The following IGSF3 variants were observed in gnomAD, a reference collection of about 807,000 sequenced individuals.
The protein encoded by IGSF3 is glu-Trp-Ile EWI motif-containing protein 3.
IGSF3 carries 23 observed loss-of-function variants against 114.4 expected under a neutral mutation model. The ratio of observed to expected loss-of-function variants is 0.20; its 90% CI spans 0.14 to 0.28. The LOEUF is 0.28. Ranked by LOEUF, IGSF3 falls within the 10% of genes least tolerant of loss-of-function variation. The pLI is 1.00. For synonymous variants in IGSF3, 571 were observed against 645.2 expected, an observed-to-expected ratio of 0.88 and a Z score of 1.74; for missense variants, 1,172 against 1,591.5, an observed-to-expected ratio of 0.74 and a Z score of 4.48.
At position 116,615,515 on chromosome 1, in the gene IGSF3, C is replaced by T. The variant is rs1661182722; in HGVS notation, c.421+565G>A. Among the ~76,000 whole-genome samples the T allele has an allele frequency of 6.6e-6, 1 of 151,478 alleles. No homozygotes were observed. The highest frequency in any genetic ancestry group is 2.1e-4 in the South Asian group (1 of 4,830). Reference sequence around the variant, plus strand: ...GGCAAACACTATGACCAGTGCTGCCCACAATGGAAGCTCCTGCATCCCTCT... The same window carrying T: ...GGCAAACACTATGACCAGTGCTGCCTACAATGGAAGCTCCTGCATCCCTCT... On this transcript the variant is annotated intron_variant, in intron 3 of 10. Coordinates refer to ENST00000369486, the MANE Select transcript of IGSF3 (RefSeq NM_001007237.3). The surrounding 1 kb of genome is among the most constrained non-coding windows in gnomAD (Gnocchi z 4.3).
rs115243712 is a variant in IGSF3, at chr1:116,583,419, T to C, written c.2848+1226A>G. On this transcript the variant is annotated intron_variant, in intron 9 of 10. Coordinates refer to ENST00000369486, the MANE Select transcript of IGSF3 (RefSeq NM_001007237.3). This position sits in a 1 kb window ranked among gnomAD's most constrained non-coding sequence, Gnocchi z 4.5. ...AAGTGGAGGCAATGTTCCCTGCAGTTTAGGCAAGACACAGGCGAGTGAGAT... is the reference window on the plus strand; with the variant it reads ...AAGTGGAGGCAATGTTCCCTGCAGTCTAGGCAAGACACAGGCGAGTGAGAT... Among the ~76,000 whole-genome samples, 600 of 152,272 alleles carry C rather than the reference T, an allele frequency of 3.9e-3. 5 individuals are homozygous for C. The highest frequency in any genetic ancestry group is 0.013 in the African/African-American group (556 of 41,556).
chr1:116,606,152 T>C (rs1312721049), intron 5 of IGSF3, among the ~76,000 whole-genome samples: 1 of 152,202 alleles, frequency 6.6e-6, no homozygotes, highest in African/African-American at 2.4e-5. Flanking sequence ...AAAATCTGAG[T>C]ACACATTCAC....
Position 116,634,324 on chromosome 1 carries a change from A to G in IGSF3, c.44-17867T>C, listed in dbSNP as rs1466842835. Among the ~76,000 whole-genome samples, 1 of 152,262 alleles carries G rather than the reference A, an allele frequency of 6.6e-6. No homozygotes were observed. Among genetic ancestry groups the G allele is most frequent in the Non-Finnish European group, 1.5e-5 (1 of 68,042 alleles). ...CTAAGAGGAAAAAAGGGTAGGCTCC[A>G]GCTAGCGGAGAGAACAACTAAAAAA... On this transcript the variant is annotated intron_variant, in intron 2 of 10. Transcript: ENST00000369486. This position sits in a 1 kb window ranked among gnomAD's most constrained non-coding sequence, Gnocchi z 4.2.
chr1:116,658,484 C>A, intron 2 of IGSF3, among the ~76,000 whole-genome samples: 1 of 152,092 alleles, frequency 6.6e-6, no homozygotes, highest in Admixed American at 6.5e-5. Flanking sequence ...AGGATATCCA[C>A]TCACAGCTTT....
intron 2 of IGSF3, among the ~76,000 whole-genome samples, chr1:116,653,291 A>G (rs1327685891): frequency 6.6e-6 from 1 of 152,262 alleles, no homozygotes; most frequent in Non-Finnish European, 1.5e-5. Flanking sequence ...AACAAGAGTC[A>G]GATTACTGAT....
At chr1:116,652,437 C>T (rs951245824) in intron 2 of IGSF3, among the ~76,000 whole-genome samples, 3 of 152,166 alleles carry the variant, frequency 2.0e-5, no homozygotes, top group African/African-American at 7.2e-5. Context: ...TTTACTAATT[C>T]AAACTAATCT....
At chr1:116,597,757 A>T (rs1660402570) in intron 7 of IGSF3, among the ~76,000 whole-genome samples, 1 of 152,224 alleles carries the variant, frequency 6.6e-6, no homozygotes, top group Non-Finnish European at 1.5e-5. Context: ...GGTATAAAGG[A>T]AAACATTTGC....
Position 116,651,434 on chromosome 1 carries a change from C to T in IGSF3, c.43+14850G>A, listed in dbSNP as rs184323687. 6.6e-6 allele frequency among the ~76,000 whole-genome samples: 1 copy of T among 152,308 alleles called. No homozygotes were observed. The highest frequency in any genetic ancestry group is 6.5e-5 in the Admixed American group (1 of 15,296). On this transcript the variant is annotated intron_variant, in intron 2 of 10. Coordinates refer to ENST00000369486, the MANE Select transcript of IGSF3 (RefSeq NM_001007237.3). This position sits in a 1 kb window ranked among gnomAD's most constrained non-coding sequence, Gnocchi z 4.4. Reference sequence around the variant, plus strand: ...AAAATATACTGGACAAAAGGCACTCCAGTCTCACAGATATCCAGTCCCACA... The same window carrying T: ...AAAATATACTGGACAAAAGGCACTCTAGTCTCACAGATATCCAGTCCCACA...
At position 116,579,801 on chromosome 1, in the gene IGSF3, G is replaced by A. The variant is rs1270931735; in HGVS notation, c.2925C>T (p.Ser975=). ...AGTCCTGGCTGGAGCGGGACACGAT[G>A]CTACAGTCCAGCTGGAAAGCTGCCT... is the stretch of plus-strand genomic sequence containing the variant. The part of the protein sequence containing the change: ...SEKAAFQLDC[S]IVSRSSQDSR... The change falls in exon 10 of 11, where the codon AGC becomes AGT. Residue 975 remains serine, a synonymous_variant. Coordinates refer to ENST00000369486, the MANE Select transcript of IGSF3 (RefSeq NM_001007237.3). This position sits in a 1 kb window ranked among gnomAD's most constrained non-coding sequence, Gnocchi z 6.4. The A allele has an allele frequency of 6.2e-7, 1 of 1,613,864 alleles. No homozygotes were observed. The highest frequency in any genetic ancestry group is 8.5e-7 in the Non-Finnish European group (1 of 1,180,002).
Position 116,598,614 on chromosome 1 carries a change from C to T in IGSF3, c.2029+1327G>A, listed in dbSNP as rs1021373130. 6.6e-6 allele frequency among the ~76,000 whole-genome samples: 1 copy of T among 152,214 alleles called. No individual in the cohort carries two copies. Among genetic ancestry groups the T allele is most frequent in the Non-Finnish European group, 1.5e-5 (1 of 68,020 alleles). ...CGACACTGTGGCCACCTAAAGCAGT[C>T]AGGCAGACTAGGTCAGGCACTAACC... On this transcript the variant is annotated intron_variant, in intron 7 of 10. Coordinates refer to ENST00000369486, the MANE Select transcript of IGSF3 (RefSeq NM_001007237.3). The surrounding 1 kb of genome is among the most constrained non-coding windows in gnomAD (Gnocchi z 4.3).
intron 8 of IGSF3, among the ~76,000 whole-genome samples, chr1:116,587,873 C>A (rs1451746609): frequency 6.6e-6 from 1 of 152,086 alleles, no homozygotes; most frequent in Admixed American, 6.5e-5. Flanking sequence ...GTGACAACAA[C>A]GAATTGCAGG....
Position 116,608,609 on chromosome 1 carries a change from A to G in IGSF3, c.833-278T>C, listed in dbSNP as rs1298794924. Among the ~76,000 whole-genome samples the G allele has an allele frequency of 2.0e-5, 3 of 152,228 alleles. No homozygotes were observed. In the East Asian group the frequency reaches 5.8e-4, roughly 29 times the overall value. On this transcript the variant is annotated intron_variant, in intron 4 of 10. Coordinates refer to ENST00000369486, the MANE Select transcript of IGSF3 (RefSeq NM_001007237.3). ...TTAAGACCAATGGGGCTCAGTCTGA[A>G]GCTTTAGATGTCTTAGATGAGACCC...
intron 9 of IGSF3, among the ~76,000 whole-genome samples, chr1:116,580,614 G>A (rs933901325): frequency 2.6e-5 from 4 of 152,250 alleles, no homozygotes; most frequent in East Asian, 3.8e-4. Context: ...CGCCGTCTGC[G>A]GGCCAGAAGA....
intron 2 of IGSF3, among the ~76,000 whole-genome samples, chr1:116,663,818 A>G (rs983249742): frequency 6.6e-6 from 1 of 152,182 alleles, no homozygotes; most frequent in African/African-American, 2.4e-5. Flanking sequence ...TGGTACCTGC[A>G]TCGGTCTCAC....
chr1:116,581,639 C>T (rs1659605511), intron 9 of IGSF3, among the ~76,000 whole-genome samples: 2 of 152,160 alleles, frequency 1.3e-5, no homozygotes, highest in Non-Finnish European at 2.9e-5. Context: ...CCCCTCTGCA[C>T]CCACCTCCTG....
chr1:116,659,981 G>A (rs1389682397), intron 2 of IGSF3, among the ~76,000 whole-genome samples: 3 of 152,082 alleles, frequency 2.0e-5, no homozygotes, highest in Non-Finnish European at 2.9e-5. Flanking sequence ...CCAAAGCCAG[G>A]GACCACGAGA....
intron 2 of IGSF3, among the ~76,000 whole-genome samples, chr1:116,652,303 C>G (rs1648663654): frequency 6.6e-6 from 1 of 152,222 alleles, no homozygotes; most frequent in African/African-American, 2.4e-5. Context: ...ATTCTTATTT[C>G]TCTCCTAAAG....
intron 7 of IGSF3, 71 bp downstream of exon 7, chr1:116,599,870 C>T: frequency 2.1e-6 from 3 of 1,412,608 alleles, no homozygotes; most frequent in Non-Finnish European, 2.9e-6. Context: ...GGGCTCCACG[C>T]ACACCTTTCT....
Position 116,582,440 on chromosome 1 carries a change from C to T in IGSF3, c.2848+2205G>A, listed in dbSNP as rs1659640309. Among the ~76,000 whole-genome samples, 1 of 152,226 alleles carries T rather than the reference C, an allele frequency of 6.6e-6. No individual in the cohort carries two copies. Among genetic ancestry groups the T allele is most frequent in the Non-Finnish European group, 1.5e-5 (1 of 68,050 alleles). The stretch of plus-strand genomic sequence containing the variant: ...TGAGCCCAACACAACTACTAATCGA[C>T]TCATCTGCAATCTTAGTGAGGATGG... On this transcript the variant is annotated intron_variant, in intron 9 of 10. Transcript: ENST00000369486. This position sits in a 1 kb window ranked among gnomAD's most constrained non-coding sequence, Gnocchi z 4.7.
Sources: allele counts gnomAD v4.1 joint callset (sites outside exome capture counted in the v4.1 genomes callset), GRCh38; gene constraint gnomAD v4.1.1; non-coding constraint Gnocchi (gnomAD v3.1); transcripts MANE v1.5; gene names NCBI Gene and HGNC (gene_info 2026-07-23, HGNC 2026-07-21).